RP1L1: variants seen among roughly 807,000 people sequenced by gnomAD.
RP1L1 encodes the protein RP1 like 1.
RP1L1 carries 27 observed loss-of-function variants against 15.7 expected under a neutral mutation model. The observed-to-expected ratio is 1.72, with a 90% CI of 1.27 to 2.38. RP1L1 has a LOEUF of 2.38. Ranked by LOEUF, RP1L1 falls within the 30% of genes most tolerant of loss-of-function variation. The pLI is 0.00. For synonymous variants in RP1L1, 1,813 were observed against 1,276.7 expected, an observed-to-expected ratio of 1.42 and a Z score of -8.96; for missense variants, 4,798 against 3,075.9, an observed-to-expected ratio of 1.56 and a Z score of -13.24.
chr8:10,650,989 C>G (rs540830530), intron 1 of RP1L1, among the ~76,000 whole-genome samples: 1 of 152,244 alleles, frequency 6.6e-6, no homozygotes, highest in Non-Finnish European at 1.5e-5. Context: ...AAAGGGAACA[C>G]TAAGCTGCTA....
intron 1 of RP1L1, 26 bp from the exon 2 acceptor site, chr8:10,623,246 T>C (rs1403671158): frequency 6.7e-7 from 1 of 1,500,844 alleles, no homozygotes; most frequent in African/African-American, 1.4e-5. Context: ...GGAAGAGGGG[T>C]CAGAGAGCAG....
At chr8:10,639,381 A>T (rs1223462958) in intron 1 of RP1L1, among the ~76,000 whole-genome samples, 1 of 151,850 alleles carries the variant, frequency 6.6e-6, no homozygotes, top group African/African-American at 2.4e-5. Flanking sequence ...TGATTGTTTG[A>T]ATTTATTTAT....
intron 3 of RP1L1, among the ~76,000 whole-genome samples, chr8:10,614,520 G>C (rs1002236728): frequency 6.6e-6 from 1 of 152,176 alleles, no homozygotes; most frequent in East Asian, 1.9e-4. Context: ...AAATAGCTGG[G>C]CGTGGTTGTG....
chr8:10,616,101 G>C (rs1349822234), intron 3 of RP1L1, among the ~76,000 whole-genome samples: 3 of 151,924 alleles, frequency 2.0e-5, no homozygotes, highest in Non-Finnish European at 4.4e-5. Context: ...TAGAGACAGT[G>C]TCTCATTATG....
chr8:10,623,825 C>G (rs1798115057), intron 1 of RP1L1, among the ~76,000 whole-genome samples: 1 of 150,806 alleles, frequency 6.6e-6, no homozygotes, highest in Non-Finnish European at 1.5e-5. Context: ...TCATTGTCAC[C>G]CTGTCCCTCA....
chr8:10,629,918 A>G (rs1162980110), intron 1 of RP1L1, among the ~76,000 whole-genome samples: 1 of 151,810 alleles, frequency 6.6e-6, no homozygotes, highest in East Asian at 1.9e-4. Context: ...CTTATCCCCT[A>G]CTCCCGCATG....
chr8:10,652,370 G>A (rs900166899), intron 1 of RP1L1, among the ~76,000 whole-genome samples: 1 of 152,184 alleles, frequency 6.6e-6, no homozygotes, highest in Admixed American at 6.5e-5. Flanking sequence ...AGGGTTGGGG[G>A]CCTCCTCAGA....
chr8:10,619,140 G>C (rs943325566), intron 2 of RP1L1, among the ~76,000 whole-genome samples: 2 of 152,156 alleles, frequency 1.3e-5, no homozygotes, highest in Non-Finnish European at 2.9e-5. Context: ...AAAGTGCTGG[G>C]ATTACAGGTG....
In RP1L1 at chr8:10,623,240, G is replaced by A; in HGVS notation, c.-19-20C>T. On this transcript the variant is annotated intron_variant, in intron 1 of 3. Transcript: ENST00000382483. Reference sequence around the variant, plus strand: ...TGGCCGCTGTAACAGGGCAGAGGAAGAGGGGTCAGAGAGCAGCTTGGGGGA... The same window carrying A: ...TGGCCGCTGTAACAGGGCAGAGGAAAAGGGGTCAGAGAGCAGCTTGGGGGA... 6.6e-7 allele frequency: 1 copy of A among 1,509,196 alleles called. No individual in the cohort carries two copies. Among genetic ancestry groups the A allele is most frequent in the South Asian group, 1.3e-5 (1 of 75,736 alleles). 93.5% of individuals were successfully genotyped at this position (1,509,196 alleles called of 1,614,324 possible). A position where few individuals can be genotyped will look rare whatever the true frequency, so the allele number is the denominator to read the frequency against.
chr8:10,650,639 C>T (rs1445065425), intron 1 of RP1L1, among the ~76,000 whole-genome samples: 1 of 151,824 alleles, frequency 6.6e-6, no homozygotes, highest in Non-Finnish European at 1.5e-5. Flanking sequence ...TCACTGCTAA[C>T]CTCTGCCACC....
In RP1L1 at chr8:10,608,729, G is replaced by C. The variant is rs775942499; in HGVS notation, c.5369C>G (p.Ala1790Gly). 1 of 1,614,172 alleles carries C rather than the reference G, an allele frequency of 6.2e-7. No individual in the cohort carries two copies. The highest frequency in any genetic ancestry group is 8.5e-7 in the Non-Finnish European group (1 of 1,180,048). The change falls in exon 4 of 4, where the codon GCT becomes GGT. Residue 1790 changes from alanine to glycine, a missense_variant. Physicochemically the swap from Ala to Gly is moderately conservative, Grantham distance 60. Transcript: ENST00000382483. ...ETSAGSELGE[A>G]EQEGEGISER... ...ACTTATGCCCTCTCCCTCCTGCTCA[G>C]CTTCCCCCAACTCACTGCCCGCACT...
Position 10,610,419 on chromosome 8 carries a change from C to T in RP1L1, c.3679G>A (p.Gly1227Arg), listed in dbSNP as rs1563122986. 6.2e-7 allele frequency: 1 copy of T among 1,613,920 alleles called. No homozygotes were observed. The highest frequency in any genetic ancestry group is 1.7e-5 in the Admixed American group (1 of 60,024). Residue 1227 changes from glycine (G) to arginine (R), a missense_variant, in exon 4 of 4, where the codon GGG becomes AGG. Physicochemically the swap from Gly to Arg is moderately radical, Grantham distance 125. Transcript: ENST00000382483. Reference sequence around the variant, plus strand: ...GAGGTTTTCAGGGGCAGCTCTGTCCCCTGTGTCACCAGGGTGCCGTCCATG... The same window carrying T: ...GAGGTTTTCAGGGGCAGCTCTGTCCTCTGTGTCACCAGGGTGCCGTCCATG... Reference protein sequence around the residue: ...CAMDGTLVTQGTELPLKTSNQ... With the variant: ...CAMDGTLVTQRTELPLKTSNQ...
Position 10,612,943 on chromosome 8 carries a change from C to G in RP1L1, c.1155G>C (p.Arg385=). 6.2e-7 allele frequency: 1 copy of G among 1,613,090 alleles called. No individual in the cohort carries two copies. The highest frequency in any genetic ancestry group is 8.5e-7 in the Non-Finnish European group (1 of 1,179,924). The change falls in exon 4 of 4, where the codon CGG becomes CGC. Residue 385 remains arginine, a synonymous_variant. Transcript: ENST00000382483. The stretch of plus-strand genomic sequence containing the variant: ...CTTCCCTGCATCCCACCCTGCAGGG[C>G]CGGGGTCCCCACACCCCAGGCTCTG... The part of the protein sequence containing the change: ...GFSEPGVWGP[R]PCRVGCREVF...
At position 10,622,518 on chromosome 8, in the gene RP1L1, C is replaced by T; in HGVS notation, c.609+75G>A. 6 of 1,595,878 alleles carry T rather than the reference C, an allele frequency of 3.8e-6. No homozygotes were observed. In the South Asian group the frequency reaches 5.6e-5, roughly 15 times the overall value. On this transcript the variant is annotated intron_variant, in intron 2 of 3. Transcript: ENST00000382483. ...AATGCCTCTTTTTAAGGAATAATCT[C>T]TCTCTTCCATGTGAGTATTTTGACC...
chr8:10,626,717 T>G (rs781274167), intron 1 of RP1L1, among the ~76,000 whole-genome samples: 2 of 152,000 alleles, frequency 1.3e-5, no homozygotes, highest in Non-Finnish European at 2.9e-5. Flanking sequence ...TATTAACACA[T>G]GGAAAAAACC....
Position 10,612,741 on chromosome 8 carries a change from C to G in RP1L1, c.1357G>C (p.Ala453Pro). The G allele has an allele frequency of 4.4e-6, 7 of 1,607,380 alleles. No homozygotes were observed. Among genetic ancestry groups the G allele is most frequent in the Non-Finnish European group, 5.9e-6 (7 of 1,179,616 alleles). The change falls in exon 4 of 4, where the codon GCC (alanine) becomes CCC (proline). Residue 453 changes from alanine (A) to proline (P), a missense_variant. Coordinates refer to ENST00000382483, the MANE Select transcript of RP1L1 (RefSeq NM_178857.6). The stretch of plus-strand genomic sequence containing the variant: ...AGGCCGGTGCTGGAGGCTGGGCTGG[C>G]ACTGTCCTGGCTGCATCTCTCCCTC... ...AGRERCSQDSASPASSTGLPE... is the reference protein window; with the variant it reads ...AGRERCSQDSPSPASSTGLPE...
rs368788897 is a variant in RP1L1 at position 10,610,813 on chromosome 8, G to T, written c.3285C>A (p.Gly1095=). ...ACACTTCGGGCACGCTGCTGGGCCG[G>T]CCCTGCTTGGAGCCCATCAGCGCCC... The part of the protein sequence containing the change: ...IMRALMGSKQ[G]RPSSVPEVSR... The change falls in exon 4 of 4, where the codon GGC becomes GGA. Residue 1095 remains glycine, a synonymous_variant. Transcript: ENST00000382483. The T allele has an allele frequency of 8.1e-6, 13 of 1,608,686 alleles. No homozygotes were observed. Among genetic ancestry groups the T allele is most frequent in the Non-Finnish European group, 1.1e-5 (13 of 1,176,888 alleles).
chr8:10,644,750 C>T (rs754613719), intron 1 of RP1L1, among the ~76,000 whole-genome samples: 1 of 152,226 alleles, frequency 6.6e-6, no homozygotes, highest in Non-Finnish European at 1.5e-5. Context: ...ACCCCAGGAA[C>T]GCAGCCAGGG....
chr8:10,620,822 C>G (rs1390394182), intron 2 of RP1L1, among the ~76,000 whole-genome samples: 1 of 152,214 alleles, frequency 6.6e-6, no homozygotes, highest in Non-Finnish European at 1.5e-5. Context: ...AGCCCATTGG[C>G]TGTCATGTCC....
Sources: gnomAD v4.1 joint callset for allele counts (sites outside exome capture counted in the v4.1 genomes callset) on GRCh38, gnomAD v4.1.1 for gene constraint, MANE v1.5 for transcripts, NCBI Gene and HGNC (gene_info 2026-07-23, HGNC 2026-07-21) for gene names.